Variants in LY75 observed in about 807,000 individuals in gnomAD.
LY75 encodes the protein lymphocyte antigen 75.
A neutral mutation model predicts 231.7 loss-of-function variants in LY75; 185 were observed. The observed-to-expected ratio is 0.80, with a 90% CI of 0.71 to 0.90. LY75 has a LOEUF of 0.90. Among genes scored for constraint, LY75 ranks in the 40% least tolerant of loss-of-function variants. The pLI is 0.00. For missense variants in LY75, 1,947 were observed against 2,050.2 expected (o/e 0.95, Z 0.97); for synonymous variants, 668 against 689.0 (o/e 0.97, Z 0.48).
chr2:159,805,004 C>A lies in LY75; in HGVS notation c.*40G>T. On this transcript the variant is annotated 3_prime_UTR_variant, in exon 35 of 35. Transcript: ENST00000263636. ...GGGACATTTTAAGTGACTAATTTCT[C>A]ATAACACATTAGTGCAAATTAGAAA... 6.6e-7 allele frequency: 1 copy of A among 1,522,866 alleles called. No individual in the cohort carries two copies. The highest frequency in any genetic ancestry group is 1.1e-5 in the South Asian group (1 of 87,306). 94.3% of individuals were successfully genotyped at this position (1,522,866 alleles called of 1,614,324 possible).
In LY75 at chr2:159,815,484, G is replaced by A. The variant is rs1414176590; in HGVS notation, c.4470C>T (p.Leu1490=). 1 of 1,613,834 alleles carries A rather than the reference G, an allele frequency of 6.2e-7. No individual in the cohort carries two copies. Among genetic ancestry groups the A allele is most frequent in the East Asian group, 2.2e-5 (1 of 44,822 alleles). Residue 1490 remains leucine, a synonymous_variant, in exon 31 of 35, where the codon CTC becomes CTT. Transcript: ENST00000263636. Reference sequence around the variant, plus strand: ...GTTTCCAAGTTCCTTTTGGATCCAAGAGAACACAATTTCCAGGAGATGTTT... The same window carrying A: ...GTTTCCAAGTTCCTTTTGGATCCAAAAGAACACAATTTCCAGGAGATGTTT... ...KGQTSPGNCV[L]LDPKGTWKHE...
At chr2:159,809,606 T>G (rs971319767) in intron 32 of LY75, among the ~76,000 whole-genome samples, 1 of 152,116 alleles carries the variant, frequency 6.6e-6, no homozygotes, top group African/African-American at 2.4e-5. Flanking sequence ...TGTCAGTATT[T>G]TTACTTAGCA....
intron 11 of LY75, among the ~76,000 whole-genome samples, chr2:159,876,964 G>A (rs773109879): frequency 2.2e-4 from 29 of 129,468 alleles, no homozygotes; most frequent in Non-Finnish European, 3.6e-4. Flanking sequence ...AGCCGAGATC[G>A]AGCCATTGCA....
rs1273687648 is a variant in LY75, at chr2:159,878,720, C to A, written c.1517G>T (p.Gly506Val). ...SSDKMCPPDE[G>V]WKRHGETCYK... The stretch of plus-strand genomic sequence containing the variant: ...ACAGGTTTCTCCATGTCTCTTCCAG[C>A]CCTAAGTCAGAGGAAAAATATTGTC... Residue 506 changes from glycine (G) to valine (V), a missense_variant and splice_region_variant, in exon 10 of 35, where the codon GGC (glycine) becomes GTC (valine). By Grantham distance (109) the Gly-to-Val change is moderately radical (BLOSUM62 -3). Coordinates refer to ENST00000263636, the MANE Select transcript of LY75 (RefSeq NM_002349.4). The A allele has an allele frequency of 3.1e-6, 5 of 1,613,682 alleles. No individual in the cohort carries two copies. Among genetic ancestry groups the A allele is most frequent in the Non-Finnish European group, 4.2e-6 (5 of 1,179,844 alleles).
At chr2:159,852,487 T>C (rs1166580640) in intron 20 of LY75, 147 bp from the exon 21 acceptor site, 1 of 1,110,320 alleles carries the variant, frequency 9.0e-7, no homozygotes, top group Middle Eastern at 3.1e-4. Flanking sequence ...GGTGCAATGT[T>C]GGCTTACTGC....
rs1553810527 is a variant in LY75 at position 159,877,028 on chromosome 2, AAAAAAAG to A, written c.1774+1289_1774+1295del. 3.5e-4 allele frequency among the ~76,000 whole-genome samples: 41 copies of A among 117,168 alleles called. 1 individual carries two copies. Among genetic ancestry groups the A allele is most frequent in the African/African-American group, 9.6e-4 (32 of 33,162 alleles). The allele number at this position is 117,168 out of a possible 152,430, so 76.9% of individuals were successfully genotyped here. A position where few individuals can be genotyped will look rare whatever the true frequency, so the allele number is the denominator to read the frequency against. On this transcript the variant is annotated intron_variant, in intron 11 of 34. Coordinates refer to ENST00000263636, the MANE Select transcript of LY75 (RefSeq NM_002349.4). Reference sequence around the variant, plus strand: ...CCATCTCAAAAAAAAAAAAAAAAAAAAAAAAAGAAAAAAGAAAAAGAAAAAAAGAAAT... The same window carrying A: ...CCATCTCAAAAAAAAAAAAAAAAAAAAAAAAAGAAAAAGAAAAAAAGAAAT...
chr2:159,898,443 T>C (rs1005542517), intron 2 of LY75, among the ~76,000 whole-genome samples: 1 of 152,184 alleles, frequency 6.6e-6, no homozygotes. Context: ...CCCAGGTTTA[T>C]CACAACATGG....
At chr2:159,869,672 G>T (rs2125866056) in intron 13 of LY75, among the ~76,000 whole-genome samples, 1 of 152,308 alleles carries the variant, frequency 6.6e-6, no homozygotes, top group Admixed American at 6.5e-5. Flanking sequence ...AATGGGAACA[G>T]AATGCTGCCA....
At chr2:159,827,404 A>G (rs1005503567) in intron 28 of LY75, among the ~76,000 whole-genome samples, 3 of 152,226 alleles carry the variant, frequency 2.0e-5, no homozygotes, top group African/African-American at 7.2e-5. Context: ...CAAAACCACA[A>G]TGAGATACCA....
chr2:159,874,106 A>T (rs886957993), intron 12 of LY75, among the ~76,000 whole-genome samples: 13 of 98,444 alleles, frequency 1.3e-4, no homozygotes, highest in Admixed American at 4.1e-4. Context: ...TAAATATATA[A>T]ACGTATATAT....
chr2:159,859,781 C>T (rs1684647755), intron 15 of LY75, among the ~76,000 whole-genome samples: 1 of 152,116 alleles, frequency 6.6e-6, no homozygotes, highest in African/African-American at 2.4e-5. Flanking sequence ...AGTAACAGTG[C>T]CTACCTCACA....
chr2:159,826,613 C>T (rs576378271), intron 28 of LY75, among the ~76,000 whole-genome samples: 2 of 151,982 alleles, frequency 1.3e-5, no homozygotes, highest in East Asian at 3.9e-4. Context: ...CTACTTTAAA[C>T]TTCATATGGA....
chr2:159,815,526 A>G lies in LY75; in HGVS notation c.4428T>C (p.Tyr1476=). The change falls in exon 31 of 35, where the codon TAT becomes TAC. Residue 1476 remains tyrosine (Y), a synonymous_variant. Coordinates refer to ENST00000263636, the MANE Select transcript of LY75 (RefSeq NM_002349.4). ...GAGATGTTTGGCCTTTCCATGGGATATAGTCAAATGTACTACCATCAGACC... is the reference window on the plus strand; with the variant it reads ...GAGATGTTTGGCCTTTCCATGGGATGTAGTCAAATGTACTACCATCAGACC... The part of the protein sequence containing the change: ...FEWSDGSTFD[Y]IPWKGQTSPG... The G allele has an allele frequency of 6.2e-7, 1 of 1,613,952 alleles. No individual in the cohort carries two copies. The highest frequency in any genetic ancestry group is 8.5e-7 in the Non-Finnish European group (1 of 1,179,956).
In LY75 at chr2:159,834,197, C is replaced by T; in HGVS notation, c.3688G>A (p.Glu1230Lys). Residue 1230 changes from glutamate (E) to lysine (K), a missense_variant, in exon 27 of 35, where the codon GAG becomes AAG. Physicochemically the swap from Glu to Lys is moderately conservative, Grantham distance 56. Transcript: ENST00000263636. ...TTAACACTGTCAACTGGTTTGACCT[C>T]TTTTTCAGTCTCATCTAGAAAAAGA... The part of the protein sequence containing the change: ...CYYSGNETEK[E>K]VKPVDSVKCP... The T allele has an allele frequency of 6.2e-7, 1 of 1,613,422 alleles. No individual in the cohort carries two copies.
chr2:159,857,342 A>G (rs1684577181), intron 16 of LY75, among the ~76,000 whole-genome samples: 1 of 152,146 alleles, frequency 6.6e-6, no homozygotes, highest in African/African-American at 2.4e-5. Context: ...TTGTAGGAGG[A>G]TATACCTTTA....
At position 159,815,538 on chromosome 2, in the gene LY75, A is replaced by G. The variant is rs770957816; in HGVS notation, c.4416T>C (p.Ser1472=). The G allele has an allele frequency of 3.7e-6, 6 of 1,613,712 alleles. No individual in the cohort carries two copies. The African/African-American group carries it at 6.7e-5, about 18-fold the overall frequency. The stretch of plus-strand genomic sequence containing the variant: ...CTTTCCATGGGATATAGTCAAATGT[A>G]CTACCATCAGACCATTCAAAACTTG... ...SESSFEWSDG[S]TFDYIPWKGQ... is the part of the protein sequence containing the mutation. The change falls in exon 31 of 35, where the codon AGT becomes AGC. Residue 1472 remains serine (S), a synonymous_variant. Coordinates refer to ENST00000263636, the MANE Select transcript of LY75 (RefSeq NM_002349.4).
chr2:159,815,166 A>AT (rs545168458), intron 31 of LY75, among the ~76,000 whole-genome samples: 18 of 151,430 alleles, frequency 1.2e-4, no homozygotes, highest in East Asian at 3.9e-4. Context: ...ATGCCCAGCT[A>AT]TTTTTTTTGC....
rs752526659 is a variant in LY75, at chr2:159,840,737, T to C, written c.3499A>G (p.Ser1167Gly). 3.1e-6 allele frequency: 5 copies of C among 1,613,910 alleles called. No homozygotes were observed. In the Admixed American group the frequency reaches 8.3e-5, roughly 27 times the overall value. ...TGGGACTGAACACTTACATCTTGAC[T>C]GAAGAGTCCGATCCATAAGGAAGAG... ...HNSSLWIGLFSQDDELNFGWS... is the reference protein window; with the variant it reads ...HNSSLWIGLFGQDDELNFGWS... The change falls in exon 25 of 35, where the codon AGT becomes GGT. Residue 1167 changes from serine to glycine, a missense_variant. By Grantham distance (56) the Ser-to-Gly change is moderately conservative (BLOSUM62 0). Coordinates refer to ENST00000263636, the MANE Select transcript of LY75 (RefSeq NM_002349.4).
In LY75 at chr2:159,852,270, T is replaced by C; in HGVS notation, c.2814A>G (p.Leu938=). ...FICEKYNVSS[L]EKYSPDSAAK... ...CTGCAGAATCTGGGCTGTATTTCTC[T>C]AACGAAGAAACATTATATTTTTCAC... Residue 938 remains leucine, a synonymous_variant, in exon 21 of 35, where the codon TTA becomes TTG. Coordinates refer to ENST00000263636, the MANE Select transcript of LY75 (RefSeq NM_002349.4). The C allele has an allele frequency of 1.2e-6, 2 of 1,614,114 alleles. No individual in the cohort carries two copies. The highest frequency in any genetic ancestry group is 1.7e-6 in the Non-Finnish European group (2 of 1,179,984).
Sources: gnomAD v4.1 joint callset for allele counts (sites outside exome capture counted in the v4.1 genomes callset) on GRCh38, gnomAD v4.1.1 for gene constraint, MANE v1.5 for transcripts, NCBI Gene and HGNC (gene_info 2026-07-23, HGNC 2026-07-21) for gene names.